Variants in HS3ST3A1 observed in about 807,000 individuals in gnomAD.
The protein encoded by HS3ST3A1 is heparan sulfate-glucosamine 3-sulfotransferase 3A1.
HS3ST3A1 carries 19 observed loss-of-function variants against 25.7 expected under a neutral mutation model. That is an observed-to-expected ratio of 0.74 (90% CI 0.52 to 1.08). HS3ST3A1 has a LOEUF of 1.08. Among genes scored for constraint, HS3ST3A1 ranks in the 50% least tolerant of loss-of-function variants. The pLI is 0.00. For synonymous variants in HS3ST3A1, 226 were observed against 278.6 expected (o/e 0.81, Z 1.88); for missense variants, 459 against 594.3 (o/e 0.77, Z 2.37).
chr17:13,507,069 CAA>C (rs112172600), intron 1 of HS3ST3A1, among the ~76,000 whole-genome samples: 12 of 92,092 alleles, frequency 1.3e-4, no homozygotes, highest in South Asian at 4.2e-4. Context: ...ACTCCGTCTC[CAA>C]AAAAAAAAAA....
At chr17:13,574,931 A>T (rs866935524) in intron 1 of HS3ST3A1, among the ~76,000 whole-genome samples, 23 of 152,084 alleles carry the variant, frequency 1.5e-4, no homozygotes, top group African/African-American at 5.3e-4. Flanking sequence ...TTGAAGACAA[A>T]ATATCCCCTA....
intron 1 of HS3ST3A1, among the ~76,000 whole-genome samples, chr17:13,594,534 G>A (rs1488480111): frequency 6.6e-6 from 1 of 152,132 alleles, no homozygotes. Flanking sequence ...CATTACTGAT[G>A]TTGAAATAAA....
chr17:13,554,662 C>T (rs563983518), intron 1 of HS3ST3A1, among the ~76,000 whole-genome samples: 28 of 152,202 alleles, frequency 1.8e-4, no homozygotes, highest in African/African-American at 6.3e-4. Flanking sequence ...CAATCTAGTT[C>T]GAAGCATGCT....
chr17:13,556,520 A>AAATAAAATAAAATAC (rs1336367228), intron 1 of HS3ST3A1, among the ~76,000 whole-genome samples: 17 of 151,082 alleles, frequency 1.1e-4, no homozygotes, highest in East Asian at 2.0e-4. Flanking sequence ...AAAAGAAATA[A>AAATAAAATAAAATAC]AATAAAAGAA....
chr17:13,526,008 C>T (rs1906403596), intron 1 of HS3ST3A1, among the ~76,000 whole-genome samples: 1 of 152,192 alleles, frequency 6.6e-6, no homozygotes, highest in Middle Eastern at 3.4e-3. Context: ...CTGTACTTGA[C>T]ATGATATCCT....
intron 1 of HS3ST3A1, among the ~76,000 whole-genome samples, chr17:13,506,819 G>A (rs935458106): frequency 6.6e-6 from 1 of 151,956 alleles, no homozygotes; most frequent in Admixed American, 6.5e-5. Flanking sequence ...CACTTTGGGA[G>A]GCCGAGGCGG....
intron 1 of HS3ST3A1, among the ~76,000 whole-genome samples, chr17:13,595,868 G>GTTT (rs1003470606): frequency 2.3e-4 from 35 of 152,008 alleles, no homozygotes; most frequent in African/African-American, 8.0e-4. Context: ...TGTTGTTGTT[G>GTTT]TTGTTGTTGA....
intron 1 of HS3ST3A1, among the ~76,000 whole-genome samples, chr17:13,548,991 C>G (rs1031414861): frequency 6.6e-6 from 1 of 152,216 alleles, no homozygotes; most frequent in African/African-American, 2.4e-5. Context: ...CCACCCGAGC[C>G]CGCAGCAGCG....
intron 1 of HS3ST3A1, among the ~76,000 whole-genome samples, chr17:13,572,369 T>A (rs1907839312): frequency 6.6e-6 from 1 of 152,104 alleles, no homozygotes; most frequent in African/African-American, 2.4e-5. Flanking sequence ...ATCCTTTCCA[T>A]CCTAGGGGGT....
chr17:13,514,482 G>C (rs1337604729), intron 1 of HS3ST3A1, among the ~76,000 whole-genome samples: 2 of 152,194 alleles, frequency 1.3e-5, no homozygotes, highest in East Asian at 3.9e-4. Flanking sequence ...ATCCAGTACT[G>C]ACACGCCACC....
chr17:13,573,403 C>G (rs1907867313), intron 1 of HS3ST3A1, among the ~76,000 whole-genome samples: 1 of 152,158 alleles, frequency 6.6e-6, no homozygotes, highest in Non-Finnish European at 1.5e-5. Context: ...CTCGAAGCTC[C>G]CCACCTGACC....
At chr17:13,595,346 T>C (rs1213283700) in intron 1 of HS3ST3A1, among the ~76,000 whole-genome samples, 1 of 152,220 alleles carries the variant, frequency 6.6e-6, no homozygotes, top group African/African-American at 2.4e-5. Flanking sequence ...TGTCCAATAC[T>C]GCTCAGAAGT....
Position 13,495,956 on chromosome 17 carries a change from C to A in HS3ST3A1, c.*241G>T. 2.3e-6 allele frequency: 1 copy of A among 444,078 alleles called. No individual in the cohort carries two copies. 27.5% of individuals were successfully genotyped at this position (444,078 alleles called of 1,614,324 possible). ...ATACTTTATGACTGGGTATATAGAA[C>A]ATAAAATAAAAACTGAAAATTGAAA... is the stretch of plus-strand genomic sequence containing the variant. On this transcript the variant is annotated 3_prime_UTR_variant, in exon 2 of 2. Coordinates refer to ENST00000284110, the MANE Select transcript of HS3ST3A1 (RefSeq NM_006042.3).
At chr17:13,552,648 C>A (rs2142357844) in intron 1 of HS3ST3A1, among the ~76,000 whole-genome samples, 1 of 152,278 alleles carries the variant, frequency 6.6e-6, no homozygotes, top group East Asian at 1.9e-4. Flanking sequence ...CAGAACTCTG[C>A]CTACTGGTTG....
At chr17:13,515,004 T>C (rs373824525) in intron 1 of HS3ST3A1, among the ~76,000 whole-genome samples, 60 of 152,340 alleles carry the variant, frequency 3.9e-4, no homozygotes, top group Admixed American at 1.2e-3. Flanking sequence ...AACTAGTACT[T>C]ACATTTTATG....
At chr17:13,544,880 T>C (rs1907041278) in intron 1 of HS3ST3A1, among the ~76,000 whole-genome samples, 1 of 152,150 alleles carries the variant, frequency 6.6e-6, no homozygotes, top group Non-Finnish European at 1.5e-5. Flanking sequence ...GCTAATCTGA[T>C]TAATGAAATG....
At chr17:13,499,662 T>C (rs1905399300) in intron 1 of HS3ST3A1, among the ~76,000 whole-genome samples, 1 of 152,028 alleles carries the variant, frequency 6.6e-6, no homozygotes. Context: ...ATTGAGGCTA[T>C]AGATTGCGCT....
intron 1 of HS3ST3A1, among the ~76,000 whole-genome samples, chr17:13,529,558 G>C (rs1906538079): frequency 6.6e-6 from 1 of 152,148 alleles, no homozygotes; most frequent in Non-Finnish European, 1.5e-5. Context: ...CACTGTATGT[G>C]ACAAATCCCA....
chr17:13,503,180 A>G (rs1905541809), intron 1 of HS3ST3A1, among the ~76,000 whole-genome samples: 1 of 151,366 alleles, frequency 6.6e-6, no homozygotes, highest in African/African-American at 2.4e-5. Context: ...TCTCAAAAAA[A>G]AAAAAAAAAA....
Sources: gnomAD v4.1 joint callset for allele counts (sites outside exome capture counted in the v4.1 genomes callset) on GRCh38, gnomAD v4.1.1 for gene constraint, MANE v1.5 for transcripts, NCBI Gene and HGNC (gene_info 2026-07-23, HGNC 2026-07-21) for gene names.